SYCP1: variants seen among roughly 807,000 people sequenced by gnomAD.
SYCP1 encodes synaptonemal complex protein 1.
Under a neutral mutation model 153.1 loss-of-function variants are expected in SYCP1, and 64 were observed. That is an observed-to-expected ratio of 0.42 (90% CI 0.34 to 0.51). The LOEUF (loss-of-function observed/expected upper bound fraction) is 0.51, where lower values mean the gene tolerates loss of function less well. SYCP1 is among the 20% of genes least tolerant of loss of function. The pLI, the probability that SYCP1 is intolerant of heterozygous loss-of-function variation, is 0.06. For missense variants in SYCP1, 997 were observed against 1,049.0 expected, an observed-to-expected ratio of 0.95 and a Z score of 0.68; for synonymous variants, 384 against 341.8, an observed-to-expected ratio of 1.12 and a Z score of -1.36.
intron 27 of SYCP1, among the ~76,000 whole-genome samples, chr1:114,976,745 A>G (rs1214419020): frequency 6.6e-6 from 1 of 151,832 alleles, no homozygotes; most frequent in East Asian, 1.9e-4. Flanking sequence ...ATACTATTGC[A>G]TCAGTTTACA....
At position 114,874,517 on chromosome 1, in the gene SYCP1, C is replaced by T. The variant is rs1447626669; in HGVS notation, c.610C>T (p.Arg204Trp). The change falls in exon 9 of 32, where the codon CGG (arginine) becomes TGG (tryptophan). Residue 204 changes from arginine (R) to tryptophan (W), a missense_variant. By Grantham distance (101) the Arg-to-Trp change is moderately radical. Transcript: ENST00000369522. ...TATATTAACAATAGATGAATATGAA[C>T]GGGAAGAAACCAGGCAAGTTTATAT... ...AEKTKKYEYE[R>W]EETRQVYMDL... The T allele has an allele frequency of 1.7e-5, 27 of 1,562,110 alleles. No homozygotes were observed. Among genetic ancestry groups the T allele is most frequent in the East Asian group, 2.3e-5 (1 of 43,970 alleles).
At chr1:114,913,198 C>T in intron 19 of SYCP1, 48 bp downstream of exon 19, 1 of 1,468,646 alleles carries the variant, frequency 6.8e-7, no homozygotes, top group Non-Finnish European at 9.5e-7. Context: ...TTCCAATTAG[C>T]AGGTTAGAAT....
chr1:114,961,511 T>G (rs561955331), intron 27 of SYCP1, among the ~76,000 whole-genome samples: 2 of 152,242 alleles, frequency 1.3e-5, no homozygotes, highest in African/African-American at 4.8e-5. Context: ...CTGCTTTTGC[T>G]GTATCTCAGA....
chr1:114,911,565 T>C lies in SYCP1; in HGVS notation c.1512T>C (p.Thr504=), dbSNP rs753234797. The C allele has an allele frequency of 2.3e-5, 34 of 1,499,636 alleles. No individual in the cohort carries two copies. Among genetic ancestry groups the C allele is most frequent in the Non-Finnish European group, 3.0e-5 (34 of 1,124,944 alleles). The allele number at this position is 1,499,636 out of a possible 1,614,324, so 92.9% of individuals were successfully genotyped here. The change falls in exon 18 of 32, where the codon ACT becomes ACC. Residue 504 remains threonine, a synonymous_variant. Transcript: ENST00000369522. ...CAAAAGAGGTTAAAGATCTAAAAACTGAGCTTGAAAACGAGAAGTATGTTT... is the reference window on the plus strand; with the variant it reads ...CAAAAGAGGTTAAAGATCTAAAAACCGAGCTTGAAAACGAGAAGTATGTTT... The part of the protein sequence containing the change: ...YYSKEVKDLK[T]ELENEKLKNT...
chr1:114,944,497 A>G (rs1670568235), intron 24 of SYCP1, 42 bp downstream of exon 24: 1 of 1,142,370 alleles, frequency 8.8e-7, no homozygotes, highest in African/African-American at 1.6e-5. Context: ...TATACTAAAA[A>G]TCTATATTTT....
intron 30 of SYCP1, among the ~76,000 whole-genome samples, chr1:114,994,070 T>C (rs941880990): frequency 2.6e-5 from 4 of 151,458 alleles, no homozygotes; most frequent in Non-Finnish European, 4.4e-5. Flanking sequence ...TTTTTGAGGC[T>C]GAATAATATT....
At chr1:114,912,600 C>T (rs1450469292) in intron 18 of SYCP1, among the ~76,000 whole-genome samples, 4 of 151,572 alleles carry the variant, frequency 2.6e-5, no homozygotes, top group African/African-American at 7.3e-5. Context: ...ATGTGCACAA[C>T]GTGCAGGTAA....
rs546873656 is a variant in SYCP1, at chr1:114,902,532, C to T, written c.1320+7023C>T. Among the ~76,000 whole-genome samples the T allele has an allele frequency of 1.9e-3, 272 of 143,702 alleles. 2 individuals carry two copies. The highest frequency in any genetic ancestry group is 2.1e-3 in the Non-Finnish European group (145 of 67,974). The allele number at this position is 143,702 out of a possible 152,430, so 94.3% of individuals were successfully genotyped here. On this transcript the variant is annotated intron_variant, in intron 16 of 31. Transcript: ENST00000369522. ...CATCACAGATTGAATCCCTGGTTACCACATAAGAGCAGGAGGGGTCAAGTT... is the reference window on the plus strand; with the variant it reads ...CATCACAGATTGAATCCCTGGTTACTACATAAGAGCAGGAGGGGTCAAGTT...
rs1363893413 is a variant in SYCP1 at position 114,855,688 on chromosome 1, T to C, written c.108+116T>C. 3 of 791,262 alleles carry C rather than the reference T, an allele frequency of 3.8e-6. No homozygotes were observed. In the African/African-American group the frequency reaches 5.3e-5, roughly 14 times the overall value. 49.0% of individuals were successfully genotyped at this position (791,262 alleles called of 1,614,324 possible). On this transcript the variant is annotated intron_variant, in intron 2 of 31. Coordinates refer to ENST00000369522, the MANE Select transcript of SYCP1 (RefSeq NM_003176.4). ...ATTTCTTCTCAATAAATGGTCTCAT[T>C]TACCCAAGAATTTTGAATCCCATTG...
chr1:114,932,975 C>T (rs539881503), intron 23 of SYCP1, among the ~76,000 whole-genome samples: 9 of 152,304 alleles, frequency 5.9e-5, no homozygotes, highest in Admixed American at 3.9e-4. Flanking sequence ...GGGGGCAGGG[C>T]GTAGCTGAAC....
At chr1:114,876,927 T>C in intron 11 of SYCP1, 117 bp downstream of exon 11, 1 of 461,930 alleles carries the variant, frequency 2.2e-6, no homozygotes, top group Non-Finnish European at 3.5e-6. Context: ...GAGAGAATTT[T>C]AATATTATAC....
intron 26 of SYCP1, 60 bp downstream of exon 26, chr1:114,946,441 G>A (rs2101827185): frequency 1.9e-6 from 2 of 1,031,880 alleles, no homozygotes; most frequent in East Asian, 5.9e-5. Context: ...AGTGACTGGT[G>A]GTAAAGAATA....
At chr1:114,862,350 T>C (rs1416093078) in intron 8 of SYCP1, among the ~76,000 whole-genome samples, 1 of 129,218 alleles carries the variant, frequency 7.7e-6, no homozygotes, top group African/African-American at 2.6e-5. Context: ...TTTTTGTTCT[T>C]TGTTTTTTTT....
chr1:114,941,021 A>G (rs73004458), intron 23 of SYCP1, among the ~76,000 whole-genome samples: 4,031 of 152,206 alleles, frequency 0.026, 213 homozygotes, highest in African/African-American at 0.093. Context: ...CTTTATGTGT[A>G]TAGTTGTTCC....
At chr1:114,882,238 A>G (rs1464279996) in intron 12 of SYCP1, among the ~76,000 whole-genome samples, 1 of 152,004 alleles carries the variant, frequency 6.6e-6, no homozygotes, top group African/African-American at 2.4e-5. Flanking sequence ...CAAACCCGAA[A>G]CCAAAATAAA....
At chr1:114,912,494 A>G (rs1226614825) in intron 18 of SYCP1, among the ~76,000 whole-genome samples, 1 of 152,024 alleles carries the variant, frequency 6.6e-6, no homozygotes, top group African/African-American at 2.4e-5. Flanking sequence ...TCTCTCTTCC[A>G]AAGTAGAACA....
At chr1:114,979,309 G>A (rs914262644) in intron 28 of SYCP1, among the ~76,000 whole-genome samples, 5 of 151,742 alleles carry the variant, frequency 3.3e-5, no homozygotes, top group South Asian at 2.1e-4. Context: ...AGGATTAAAT[G>A]AGATGGTATT....
At chr1:114,941,751 A>G (rs983086453) in intron 23 of SYCP1, among the ~76,000 whole-genome samples, 1 of 152,134 alleles carries the variant, frequency 6.6e-6, no homozygotes, top group Non-Finnish European at 1.5e-5. Flanking sequence ...AATGCTCCCA[A>G]GTCCAAAACT....
intron 16 of SYCP1, among the ~76,000 whole-genome samples, chr1:114,901,341 C>G (rs1046764729): frequency 1.3e-5 from 2 of 152,090 alleles, no homozygotes; most frequent in African/African-American, 4.8e-5. Context: ...CTTGGATATC[C>G]ACTTTAATTA....
Sources: allele counts gnomAD v4.1 joint callset (sites outside exome capture counted in the v4.1 genomes callset), GRCh38; gene constraint gnomAD v4.1.1; transcripts MANE v1.5; gene names NCBI Gene and HGNC (gene_info 2026-07-23, HGNC 2026-07-21).